Variants in NPHP4 observed in about 807,000 individuals in gnomAD.
NPHP4 encodes nephrocystin 4.
In NPHP4, 151 loss-of-function variants were observed where a neutral mutation model predicts 155.8. The observed-to-expected ratio is 0.97, with a 90% confidence interval of 0.85 to 1.11. The LOEUF is 1.11. Among genes scored for constraint, NPHP4 ranks in the 50% least tolerant of loss-of-function variants. The pLI is 0.00. For missense variants in NPHP4, 1,956 were observed against 1,925.7 expected (o/e 1.02, Z -0.29); for synonymous variants, 845 against 816.8 (o/e 1.03, Z -0.59).
intron 16 of NPHP4, among the ~76,000 whole-genome samples, chr1:5,899,197 C>T (rs778750820): frequency 1.3e-5 from 2 of 152,164 alleles, no homozygotes; most frequent in African/African-American, 2.4e-5. Context: ...TCTAACACAA[C>T]GGCCGTGCGC....
At chr1:5,978,114 T>A (rs1056941212) in intron 3 of NPHP4, among the ~76,000 whole-genome samples, 156 bp downstream of exon 3, 2 of 151,810 alleles carry the variant, frequency 1.3e-5, no homozygotes, top group Non-Finnish European at 2.9e-5. Flanking sequence ...AACAAAGCGC[T>A]TGCCGCTAGA....
intron 2 of NPHP4, among the ~76,000 whole-genome samples, chr1:5,982,956 G>A (rs1654944206): frequency 1.3e-5 from 2 of 152,190 alleles, no homozygotes; most frequent in African/African-American, 4.8e-5. Context: ...CTTGGTGACT[G>A]TTCCATATGA....
At chr1:5,865,414 G>T in intron 26 of NPHP4, 141 bp from the exon 27 acceptor site, 1 of 718,350 alleles carries the variant, frequency 1.4e-6, no homozygotes, top group Non-Finnish European at 2.1e-6. Flanking sequence ...ACAGGAGGCA[G>T]AGCTGGGGCC....
chr1:5,969,173 G>A lies in NPHP4; in HGVS notation c.366C>T (p.Ser122=), dbSNP rs1362434254. 2 of 1,564,066 alleles carry A rather than the reference G, an allele frequency of 1.3e-6. No individual in the cohort carries two copies. Among genetic ancestry groups the A allele is most frequent in the South Asian group, 1.2e-5 (1 of 84,806 alleles). Reference sequence around the variant, plus strand: ...CAAACCCACAGGACAATGTCTGGAGGCTCCCATCCCGTTTCTTGCCCTCAG... The same window carrying A: ...CAAACCCACAGGACAATGTCTGGAGACTCCCATCCCGTTTCTTGCCCTCAG... ...VVAEGKKRDG[S]LQTLSCGFGI... The change falls in exon 4 of 30, where the codon AGC becomes AGT. Residue 122 remains serine, a synonymous_variant. Transcript: ENST00000378156.
chr1:5,988,935 G>A (rs1570777624), intron 1 of NPHP4, among the ~76,000 whole-genome samples: 1 of 152,196 alleles, frequency 6.6e-6, no homozygotes, highest in East Asian at 1.9e-4. Flanking sequence ...CTGGTCCTGT[G>A]TGAATCCAGC....
In NPHP4 at chr1:5,948,236, C is replaced by T; in HGVS notation, c.826G>A (p.Asp276Asn). Residue 276 changes from aspartate (D) to asparagine (N), a missense_variant, in exon 8 of 30, where the codon GAC (aspartate) becomes AAC (asparagine). Transcript: ENST00000378156. The part of the protein sequence containing the change: ...DHFQEGCGPL[D>N]GGALEILERR... Reference sequence around the variant, plus strand: ...TCCAGGATCTCCAGGGCACCACCGTCCAGTGGGCCACATCCCTGGAAGAGG... The same window carrying T: ...TCCAGGATCTCCAGGGCACCACCGTTCAGTGGGCCACATCCCTGGAAGAGG... 6.3e-7 allele frequency: 1 copy of T among 1,576,536 alleles called. No individual in the cohort carries two copies. The highest frequency in any genetic ancestry group is 8.6e-7 in the Non-Finnish European group (1 of 1,164,464).
rs1557860870 is a variant in NPHP4, at chr1:5,969,232, GGT to G, written c.305_306del (p.Asn102ThrfsTer13). 3 of 1,569,594 alleles carry G rather than the reference GGT, an allele frequency of 1.9e-6. No homozygotes were observed. In the South Asian group the frequency reaches 3.5e-5, roughly 18 times the overall value. On this transcript the variant is annotated frameshift_variant, in exon 4 of 30. Coordinates refer to ENST00000378156, the MANE Select transcript of NPHP4 (RefSeq NM_015102.5). LOFTEE classifies it high-confidence loss of function. ...NEPLYFHTSL[N>X]HPHIVAVVEV... ...TCCACCACAGCCACGATATGAGGGT[GGT>G]TTAGGGATGTGTGAAAATACAAGGG... is the stretch of plus-strand genomic sequence containing the variant.
intron 11 of NPHP4, among the ~76,000 whole-genome samples, chr1:5,925,782 A>AT (rs1356875369): frequency 6.6e-6 from 1 of 151,898 alleles, no homozygotes; most frequent in Non-Finnish European, 1.5e-5. Context: ...CATCCAGCTA[A>AT]TTTTTTGTAT....
Position 5,969,065 on chromosome 1 carries a change from G to A in NPHP4, c.452+22C>T, listed in dbSNP as rs777061998. The A allele has an allele frequency of 5.0e-5, 75 of 1,502,864 alleles. No homozygotes were observed. The African/African-American group carries it at 9.4e-4, about 19-fold the overall frequency. The allele number at this position is 1,502,864 out of a possible 1,614,324, so 93.1% of individuals were successfully genotyped here. A position where few individuals can be genotyped will look rare whatever the true frequency, so the allele number is the denominator to read the frequency against. ...AAGACAGACGCTGGAAAACCCCAGG[G>A]TTGTAGAAACAAGGCAGGTACCTTT... On this transcript the variant is annotated intron_variant, in intron 4 of 29. Coordinates refer to ENST00000378156, the MANE Select transcript of NPHP4 (RefSeq NM_015102.5).
In NPHP4 at chr1:5,948,060, G is replaced by C; in HGVS notation, c.992+10C>G. 1 of 1,610,984 alleles carries C rather than the reference G, an allele frequency of 6.2e-7. No homozygotes were observed. The highest frequency in any genetic ancestry group is 8.5e-7 in the Non-Finnish European group (1 of 1,177,244). On this transcript the variant is annotated intron_variant, in intron 8 of 29. Coordinates refer to ENST00000378156, the MANE Select transcript of NPHP4 (RefSeq NM_015102.5). ...TCCCCACCCATCCCTGGGGACCCAA[G>C]AGACAATACCTGGTCTTGGAAGAGG... is the stretch of plus-strand genomic sequence containing the variant.
chr1:5,865,530 G>A (rs747588046), intron 26 of NPHP4: 16 of 428,632 alleles, frequency 3.7e-5, no homozygotes, highest in East Asian at 1.7e-4. Flanking sequence ...CTCTCAGGGC[G>A]CAGCAGGGCT....
chr1:5,863,196 C>T lies in NPHP4; in HGVS notation c.*69G>A, dbSNP rs544404347. 1 of 1,553,188 alleles carries T rather than the reference C, an allele frequency of 6.4e-7. No individual in the cohort carries two copies. Among genetic ancestry groups the T allele is most frequent in the African/African-American group, 1.4e-5 (1 of 73,932 alleles). On this transcript the variant is annotated 3_prime_UTR_variant, in exon 30 of 30. Transcript: ENST00000378156. ...GGCTGCAGAGAGGCGGGGAGGACAGCCTGCAGGGCAGGAGGGGCACAGACA... is the reference window on the plus strand; with the variant it reads ...GGCTGCAGAGAGGCGGGGAGGACAGTCTGCAGGGCAGGAGGGGCACAGACA...
At chr1:5,919,971 C>G (rs1645658667) in intron 11 of NPHP4, among the ~76,000 whole-genome samples, 1 of 152,128 alleles carries the variant, frequency 6.6e-6, no homozygotes, top group African/African-American at 2.4e-5. Flanking sequence ...CTCACTCTAT[C>G]GTCCAGGCTG....
chr1:5,963,106 A>T (rs1267770713), intron 5 of NPHP4, among the ~76,000 whole-genome samples: 1 of 152,236 alleles, frequency 6.6e-6, no homozygotes, highest in African/African-American at 2.4e-5. Context: ...GTATTATCAG[A>T]AAAAGAAATT....
chr1:5,938,227 C>T (rs551758843), intron 9 of NPHP4, among the ~76,000 whole-genome samples: 70 of 152,220 alleles, frequency 4.6e-4, no homozygotes, highest in Non-Finnish European at 7.9e-4. Flanking sequence ...GCTCGCTGGC[C>T]GGCATTCTCC....
chr1:5,888,836 G>A (rs921721143), intron 17 of NPHP4, among the ~76,000 whole-genome samples: 2 of 152,194 alleles, frequency 1.3e-5, no homozygotes, highest in African/African-American at 4.8e-5. Flanking sequence ...ACCCCCATCT[G>A]GCTCTGCATG....
Position 5,863,754 on chromosome 1 carries a change from TG to T in NPHP4, c.4140+135del, listed in dbSNP as rs1205780398. 4 of 905,304 alleles carry T rather than the reference TG, an allele frequency of 4.4e-6. No homozygotes were observed. The East Asian group carries it at 7.6e-5, about 17-fold the overall frequency. The allele number at this position is 905,304 out of a possible 1,614,324, so 56.1% of individuals were successfully genotyped here. A position where few individuals can be genotyped will look rare whatever the true frequency, so the allele number is the denominator to read the frequency against. ...ACAACGGGCCCACCCAACTATGGGATGGTACCTGTCACCGCCCTGGGGCTTT... is the reference window on the plus strand; with the variant it reads ...ACAACGGGCCCACCCAACTATGGGATGTACCTGTCACCGCCCTGGGGCTTT... On this transcript the variant is annotated intron_variant, in intron 29 of 29. Coordinates refer to ENST00000378156, the MANE Select transcript of NPHP4 (RefSeq NM_015102.5).
intron 1 of NPHP4, among the ~76,000 whole-genome samples, chr1:5,990,620 A>G (rs1255447227): frequency 6.6e-6 from 1 of 152,194 alleles, no homozygotes; most frequent in Non-Finnish European, 1.5e-5. Flanking sequence ...CAGCCAATCC[A>G]AGGTCACACA....
intron 17 of NPHP4, chr1:5,888,664 A>G (rs1291833327): frequency 1.7e-5 from 22 of 1,266,032 alleles, no homozygotes; most frequent in Non-Finnish European, 2.1e-5. Context: ...TCCAAGAGGC[A>G]AGGAAATGCG....
Sources: allele counts gnomAD v4.1 joint callset (sites outside exome capture counted in the v4.1 genomes callset), GRCh38; gene constraint gnomAD v4.1.1; transcripts MANE v1.5; gene names NCBI Gene and HGNC (gene_info 2026-07-23, HGNC 2026-07-21).